Variants in CHD8 observed in about 807,000 individuals in gnomAD.
The protein encoded by CHD8 is ATP-dependent chromatin remodeler CHD8.
A neutral mutation model predicts 279.2 loss-of-function variants in CHD8; 31 were observed. The observed-to-expected ratio is 0.11, with a 90% CI of 0.08 to 0.15. CHD8 has a LOEUF of 0.15. Ranked by LOEUF, CHD8 falls within the 10% of genes least tolerant of loss-of-function variation. The pLI is 1.00. For synonymous variants in CHD8, 1,081 were observed against 1,139.6 expected (o/e 0.95, Z 1.04); for missense variants, 2,146 against 3,230.5 (o/e 0.66, Z 8.14).
At chr14:21,432,361 C>CT (rs147642195) in intron 1 of CHD8, among the ~76,000 whole-genome samples, 3,575 of 152,254 alleles carry the variant, frequency 0.023, 63 homozygotes, top group Middle Eastern at 0.054. Context: ...ATAGTACAAT[C>CT]TCACCAAAGT....
At chr14:21,404,920 CTTCTGG>C in intron 16 of CHD8, 1 of 316,464 alleles carries the variant, frequency 3.2e-6, no homozygotes, top group Non-Finnish European at 5.8e-6. Flanking sequence ...CAACCTCTGC[CTTCTGG>C]GTTCAAGCAA....
chr14:21,438,036 G>C (rs1889856325), intron 1 of CHD8, among the ~76,000 whole-genome samples: 1 of 152,086 alleles, frequency 6.6e-6, no homozygotes, highest in Non-Finnish European at 1.5e-5. Flanking sequence ...ATGATGGTGT[G>C]CAAGCTTAAA....
chr14:21,391,916 G>A lies in CHD8; in HGVS notation c.6802C>T (p.His2268Tyr), dbSNP rs977444902. 6.2e-7 allele frequency: 1 copy of A among 1,613,784 alleles called. No homozygotes were observed. The highest frequency in any genetic ancestry group is 1.3e-5 in the African/African-American group (1 of 75,000). ...EEGLKLTFQK[H>Y]KLMANGVMGD... ...ATTACTCCATTCGCCATCAACTTGT[G>A]CTTCTGGAATGTTAACTTCAATCCT... The change falls in exon 35 of 38, where the codon CAC becomes TAC. Residue 2268 changes from histidine (H) to tyrosine (Y), a missense_variant. Coordinates refer to ENST00000646647, the MANE Select transcript of CHD8 (RefSeq NM_001170629.2).
chr14:21,443,283 T>C (rs1455184862), intron 1 of CHD8, among the ~76,000 whole-genome samples: 2 of 151,332 alleles, frequency 1.3e-5, no homozygotes, highest in African/African-American at 2.4e-5. Context: ...CCCAGCTACT[T>C]GGGAGGCTGA....
At chr14:21,452,982 CA>C (rs796504555) in intron 1 of CHD8, among the ~76,000 whole-genome samples, 7,135 of 127,624 alleles carry the variant, frequency 0.056, 671 homozygotes, top group African/African-American at 0.19. Context: ...GACTCCATCT[CA>C]AAAAAAAAAA....
chr14:21,392,258 ATCCTGCTAT>A, intron 34 of CHD8: 1 of 762,338 alleles, frequency 1.3e-6, no homozygotes. Flanking sequence ...CAGGGGCAAA[ATCCTGCTAT>A]TCCTAAGCAT....
chr14:21,397,356 G>A (rs773594127), intron 27 of CHD8: 7 of 518,848 alleles, frequency 1.3e-5, no homozygotes, highest in South Asian at 4.2e-5. Flanking sequence ...GGGCAACACT[G>A]CCCTACCTGG....
At chr14:21,441,794 C>G (rs1299721011) in intron 1 of CHD8, among the ~76,000 whole-genome samples, 2 of 152,166 alleles carry the variant, frequency 1.3e-5, no homozygotes, top group South Asian at 2.1e-4. Context: ...GAGGCTGAGG[C>G]AGGAGAATGG....
At position 21,403,456 on chromosome 14, in the gene CHD8, C is replaced by T. The variant is rs1039145841; in HGVS notation, c.3515G>A (p.Arg1172Lys). 1.2e-6 allele frequency: 2 copies of T among 1,609,472 alleles called. No homozygotes were observed. Among genetic ancestry groups the T allele is most frequent in the Non-Finnish European group, 1.7e-6 (2 of 1,176,558 alleles). ...LDILEDYLIQ[R>K]RYLYERIDGR... ...GCTAGGATGACTCTTTTCTTACCTC[C>T]TCTGGATTAAATAATCCTCTAGGAT... The change falls in exon 17 of 38, where the codon AGG (arginine) becomes AAG (lysine). Residue 1172 changes from arginine to lysine, a missense_variant. Transcript: ENST00000646647. The surrounding 1 kb of genome is among the most constrained non-coding windows in gnomAD (Gnocchi z 4.3).
chr14:21,432,070 TGGG>T (rs1477360004), intron 1 of CHD8, among the ~76,000 whole-genome samples: 1 of 152,182 alleles, frequency 6.6e-6, no homozygotes, highest in Non-Finnish European at 1.5e-5. Flanking sequence ...AACCTCCTCT[TGGG>T]CACTTACACC....
chr14:21,431,932 G>T (rs982740362), intron 1 of CHD8, 74 bp from the exon 2 acceptor site: 24 of 919,628 alleles, frequency 2.6e-5, no homozygotes, highest in Middle Eastern at 2.2e-4. Flanking sequence ...CCCTTCTTAC[G>T]TACTGTTCTT....
chr14:21,434,007 T>TAC lies in CHD8; in HGVS notation c.-215-2150_-215-2149insGT, dbSNP rs779195976. Reference sequence around the variant, plus strand: ...CGTCAGAAGTTAAAGTATCTACAGCTAGGAGTAATATAAAAACAACAGTGA... The same window carrying TAC: ...CGTCAGAAGTTAAAGTATCTACAGCTACAGGAGTAATATAAAAACAACAGTGA... On this transcript the variant is annotated intron_variant, in intron 1 of 37. Transcript: ENST00000646647. Among the ~76,000 whole-genome samples, 807 of 151,738 alleles carry TAC rather than the reference T, an allele frequency of 5.3e-3. 7 individuals carry two copies. The highest frequency in any genetic ancestry group is 0.01 in the Middle Eastern group (3 of 292).
chr14:21,404,085 C>T (rs144444725), intron 16 of CHD8, among the ~76,000 whole-genome samples: 1,900 of 140,944 alleles, frequency 0.013, 38 homozygotes, highest in African/African-American at 0.049. Context: ...GGTGACAGAG[C>T]GAGACTCCAC....
intron 1 of CHD8, among the ~76,000 whole-genome samples, chr14:21,451,214 C>T (rs999393009): frequency 1.3e-5 from 2 of 152,096 alleles, no homozygotes; most frequent in African/African-American, 4.8e-5. Context: ...TGTCTAAGAT[C>T]CCTACACTGC....
At position 21,412,546 on chromosome 14, in the gene CHD8, C is replaced by G. The variant is rs150372025; in HGVS notation, c.2226+367G>C. On this transcript the variant is annotated intron_variant, in intron 10 of 37. Coordinates refer to ENST00000646647, the MANE Select transcript of CHD8 (RefSeq NM_001170629.2). ...TGATTTGTAGAAAGCTAGGAGCGAG[C>G]CTGTAGAAGTATTTTTATATTCACA... Among the ~76,000 whole-genome samples the G allele has an allele frequency of 3.4e-4, 52 of 152,168 alleles. No homozygotes were observed. In the East Asian group the frequency reaches 8.5e-3, roughly 25 times the overall value.
chr14:21,429,277 C>A lies in CHD8; in HGVS notation c.902G>T (p.Gly301Val), dbSNP rs1347592814. 3 of 1,609,266 alleles carry A rather than the reference C, an allele frequency of 1.9e-6. No homozygotes were observed. Among genetic ancestry groups the A allele is most frequent in the African/African-American group, 2.7e-5 (2 of 74,820 alleles). Residue 301 changes from glycine to valine, a missense_variant, in exon 3 of 38, where the codon GGA becomes GTA. By Grantham distance (109) the Gly-to-Val change is moderately radical. Transcript: ENST00000646647. ...ACTCCCTAGCACAACATGCCGATGTCCTTGGGGACCTCCAGACTGTGGCTG... is the reference window on the plus strand; with the variant it reads ...ACTCCCTAGCACAACATGCCGATGTACTTGGGGACCTCCAGACTGTGGCTG... ...LQQPQSGGPQ[G>V]HRHVVLGSLP...
At chr14:21,414,738 C>T in intron 8 of CHD8, 200 bp downstream of exon 8, 1 of 623,864 alleles carries the variant, frequency 1.6e-6, no homozygotes, top group Non-Finnish European at 2.8e-6. Flanking sequence ...ACCACCCTCA[C>T]CCCACTTACC....
rs766370023 is a variant in CHD8 at position 21,400,294 on chromosome 14, A to G, written c.4584T>C (p.Pro1528=). 6.2e-7 allele frequency: 1 copy of G among 1,613,970 alleles called. No individual in the cohort carries two copies. The highest frequency in any genetic ancestry group is 1.1e-5 in the South Asian group (1 of 91,080). ...ELQNHSGLSI[P]VPRGRKGKKV... ...TTTTTCCTTTGCGTCCACGAGGCACAGGGATAGATAGACCTGGGAAAGGGG... is the reference window on the plus strand; with the variant it reads ...TTTTTCCTTTGCGTCCACGAGGCACGGGGATAGATAGACCTGGGAAAGGGG... Residue 1528 remains proline, a synonymous_variant, in exon 24 of 38, where the codon CCT becomes CCC. Transcript: ENST00000646647. The surrounding 1 kb of genome is among the most constrained non-coding windows in gnomAD (Gnocchi z 4.2).
intron 1 of CHD8, among the ~76,000 whole-genome samples, chr14:21,452,598 C>T (rs540971748): frequency 2.0e-5 from 3 of 152,046 alleles, no homozygotes; most frequent in South Asian, 2.1e-4. Context: ...AAGCCGAGAT[C>T]GCGCCACTGC....
Sources: allele counts gnomAD v4.1 joint callset (sites outside exome capture counted in the v4.1 genomes callset), GRCh38; gene constraint gnomAD v4.1.1; non-coding constraint Gnocchi (gnomAD v3.1); transcripts MANE v1.5; gene names NCBI Gene and HGNC (gene_info 2026-07-23, HGNC 2026-07-21).